Variants in DCBLD2 observed in about 807,000 individuals in gnomAD.
DCBLD2 encodes discoidin, CUB and LCCL domain containing 2.
Under a neutral mutation model 86.8 loss-of-function variants are expected in DCBLD2, and 54 were observed. The observed-to-expected ratio is 0.62, with a 90% CI of 0.50 to 0.78. The LOEUF (loss-of-function observed/expected upper bound fraction) is 0.78, where lower values mean the gene tolerates loss of function less well. Among genes scored for constraint, DCBLD2 ranks in the 30% least tolerant of loss-of-function variants. The pLI is 0.00. For missense variants in DCBLD2, 908 were observed against 954.2 expected (o/e 0.95, Z 0.64); for synonymous variants, 354 against 341.3 (o/e 1.04, Z -0.41).
chr3:98,858,265 G>A (rs980684081), intron 2 of DCBLD2, among the ~76,000 whole-genome samples: 28 of 152,230 alleles, frequency 1.8e-4, no homozygotes, highest in African/African-American at 3.4e-4. Context: ...GCACTGGCCC[G>A]CAAGCGCCGT....
At chr3:98,845,886 T>G (rs1196674908) in intron 3 of DCBLD2, among the ~76,000 whole-genome samples, 1 of 152,212 alleles carries the variant, frequency 6.6e-6, no homozygotes, top group African/African-American at 2.4e-5. Flanking sequence ...ACTTCTCAGC[T>G]TAAAAGTGAC....
intron 13 of DCBLD2, among the ~76,000 whole-genome samples, chr3:98,804,532 G>T (rs991581916): frequency 6.6e-6 from 1 of 151,894 alleles, no homozygotes; most frequent in South Asian, 2.1e-4. Context: ...AGGGTTTTTT[G>T]TCTCTATCTC....
chr3:98,842,337 A>T (rs1223457239), intron 3 of DCBLD2, among the ~76,000 whole-genome samples: 2 of 152,300 alleles, frequency 1.3e-5, no homozygotes, highest in East Asian at 1.9e-4. Flanking sequence ...CTTCTGCTAA[A>T]TTCTCCTGAC....
intron 3 of DCBLD2, among the ~76,000 whole-genome samples, chr3:98,841,910 A>G (rs1252459394): frequency 6.6e-6 from 1 of 152,110 alleles, no homozygotes; most frequent in Admixed American, 6.6e-5. Flanking sequence ...AAAAAAATAC[A>G]AAAAATTAGC....
At chr3:98,890,071 A>C (rs1198937461) in intron 1 of DCBLD2, among the ~76,000 whole-genome samples, 1 of 152,018 alleles carries the variant, frequency 6.6e-6, no homozygotes, top group Non-Finnish European at 1.5e-5. Context: ...AATGCACTGC[A>C]ATTCACGTTC....
intron 2 of DCBLD2, among the ~76,000 whole-genome samples, chr3:98,866,211 T>C (rs1943142288): frequency 1.3e-5 from 2 of 152,178 alleles, no homozygotes; most frequent in Non-Finnish European, 1.5e-5. Context: ...TTATAATCCT[T>C]TGGGTATATA....
intron 6 of DCBLD2, 128 bp downstream of exon 6, chr3:98,822,100 T>C: frequency 8.8e-7 from 1 of 1,138,910 alleles, no homozygotes; most frequent in Non-Finnish European, 1.3e-6. Flanking sequence ...GAGTGCTTAC[T>C]GCCTAAATGT....
rs200083024 is a variant in DCBLD2 at position 98,822,274 on chromosome 3, T to C, written c.784A>G (p.Ile262Val). 1.7e-4 allele frequency: 281 copies of C among 1,613,836 alleles called. No individual in the cohort carries two copies. The highest frequency in any genetic ancestry group is 2.2e-4 in the Non-Finnish European group (262 of 1,179,864). The change falls in exon 6 of 16, where the codon ATC becomes GTC. Residue 262 changes from isoleucine (I) to valine (V), a missense_variant. By Grantham distance (29) the Ile-to-Val change is conservative. Coordinates refer to ENST00000326840, the MANE Select transcript of DCBLD2 (RefSeq NM_080927.4). ...GQISVVISKG[I>V]PYYESSLANN... ...GCCAAAGAACTTTCATAATAGGGGA[T>C]ACCTTTACTAATTACAACACTGATT...
At chr3:98,899,339 C>A (rs1230569050) in intron 1 of DCBLD2, among the ~76,000 whole-genome samples, 7 of 150,832 alleles carry the variant, frequency 4.6e-5, no homozygotes, top group Non-Finnish European at 2.9e-5. Context: ...GCAACCTCCG[C>A]CTCCCGGGTT....
At chr3:98,860,297 T>G (rs1235076905) in intron 2 of DCBLD2, among the ~76,000 whole-genome samples, 1 of 152,106 alleles carries the variant, frequency 6.6e-6, no homozygotes, top group African/African-American at 2.4e-5. Context: ...TGGAAAACAC[T>G]CTGCAGGATA....
chr3:98,864,226 A>G lies in DCBLD2; in HGVS notation c.434-14628T>C, dbSNP rs140973017. On this transcript the variant is annotated intron_variant, in intron 2 of 15. Coordinates refer to ENST00000326840, the MANE Select transcript of DCBLD2 (RefSeq NM_080927.4). ...ATAACAGGTGCTGGAGAGGTTGTGGAGAAATAGGAACACTTTTAAATTGTT... is the reference window on the plus strand; with the variant it reads ...ATAACAGGTGCTGGAGAGGTTGTGGGGAAATAGGAACACTTTTAAATTGTT... Among the ~76,000 whole-genome samples, 76 of 152,350 alleles carry G rather than the reference A, an allele frequency of 5.0e-4. 1 individual carries two copies. The highest frequency in any genetic ancestry group is 4.8e-3 in the South Asian group (23 of 4,824).
At chr3:98,880,248 G>C (rs1943441533) in intron 2 of DCBLD2, among the ~76,000 whole-genome samples, 2 of 152,200 alleles carry the variant, frequency 1.3e-5, no homozygotes, top group African/African-American at 4.8e-5. Context: ...GATTTCACTA[G>C]AGATGGAGAG....
At chr3:98,881,791 A>T (rs764994798) in intron 1 of DCBLD2, 24 bp from the exon 2 acceptor site, 1 of 1,577,228 alleles carries the variant, frequency 6.3e-7, no homozygotes, top group South Asian at 1.2e-5. Flanking sequence ...GAAAAGAATG[A>T]TAAATTATTC....
chr3:98,881,106 A>G (rs1943460555), intron 2 of DCBLD2, among the ~76,000 whole-genome samples: 1 of 151,926 alleles, frequency 6.6e-6, no homozygotes, highest in Non-Finnish European at 1.5e-5. Context: ...TCAAAAAAAA[A>G]TTAGCCGGCT....
intron 2 of DCBLD2, among the ~76,000 whole-genome samples, chr3:98,880,209 G>A (rs1298862004): frequency 3.3e-5 from 5 of 152,128 alleles, no homozygotes; most frequent in African/African-American, 9.7e-5. Context: ...TGGTAGATAA[G>A]AGGCCAAAAA....
chr3:98,866,260 T>G (rs1943143513), intron 2 of DCBLD2, among the ~76,000 whole-genome samples: 1 of 152,168 alleles, frequency 6.6e-6, no homozygotes. Flanking sequence ...GTATTTCTAG[T>G]TCTAGATCCC....
At chr3:98,891,252 C>T (rs928290020) in intron 1 of DCBLD2, among the ~76,000 whole-genome samples, 1 of 151,206 alleles carries the variant, frequency 6.6e-6, no homozygotes, top group Non-Finnish European at 1.5e-5. Flanking sequence ...AAAAAGCAAG[C>T]AAGCAAGCAA....
intron 3 of DCBLD2, among the ~76,000 whole-genome samples, chr3:98,837,338 A>T (rs1167207058): frequency 4.9e-4 from 2 of 4,084 alleles, no homozygotes; most frequent in Non-Finnish European, 3.8e-3. Context: ...CTGGCCGGGC[A>T]GAGGGGCTCC....
chr3:98,870,161 T>C (rs1383718027), intron 2 of DCBLD2, among the ~76,000 whole-genome samples: 1 of 152,242 alleles, frequency 6.6e-6, no homozygotes, highest in African/African-American at 2.4e-5. Flanking sequence ...TGTGTATGGC[T>C]ATCCAATTTT....
Sources: allele counts gnomAD v4.1 joint callset (sites outside exome capture counted in the v4.1 genomes callset), GRCh38; gene constraint gnomAD v4.1.1; transcripts MANE v1.5; gene names NCBI Gene and HGNC (gene_info 2026-07-23, HGNC 2026-07-21).